Variants in DAB1 observed in about 807,000 individuals in gnomAD.
The protein encoded by DAB1 is disabled homolog 1.
DAB1 carries 15 observed loss-of-function variants against 64.6 expected under a neutral mutation model. The observed-to-expected ratio is 0.23, with a 90% CI of 0.16 to 0.36. DAB1 has a LOEUF of 0.36. Among genes scored for constraint, DAB1 ranks in the 10% least tolerant of loss-of-function variants. DAB1 has a pLI of 1.00. For missense variants in DAB1, 596 were observed against 706.7 expected (o/e 0.84, Z 1.78); for synonymous variants, 235 against 251.9 (o/e 0.93, Z 0.64).
chr1:57,497,052 A>G (rs1326672322), intron 7 of DAB1, among the ~76,000 whole-genome samples: 1 of 152,138 alleles, frequency 6.6e-6, no homozygotes, highest in East Asian at 1.9e-4. Context: ...CTCTGTTCAG[A>G]AAGTTCTTCT....
intron 2 of DAB1, among the ~76,000 whole-genome samples, chr1:58,523,530 A>G (rs561843537): frequency 6.6e-6 from 1 of 152,262 alleles, no homozygotes; most frequent in East Asian, 1.9e-4. Context: ...TTTGGGGGCA[A>G]GTAGACCATT....
chr1:57,826,865 G>A (rs1207529668), intron 1 of DAB1, among the ~76,000 whole-genome samples: 1 of 152,166 alleles, frequency 6.6e-6, no homozygotes, highest in African/African-American at 2.4e-5. Flanking sequence ...CACATAGAGA[G>A]CAAGAGACAG....
chr1:58,527,581 A>G (rs1286213905), intron 1 of DAB1, among the ~76,000 whole-genome samples: 2 of 152,190 alleles, frequency 1.3e-5, no homozygotes, highest in Non-Finnish European at 2.9e-5. Flanking sequence ...AGTCTGTAGT[A>G]TAAGGAATTT....
At chr1:57,018,309 C>T (rs111598948) in intron 11 of DAB1, among the ~76,000 whole-genome samples, 30 of 152,232 alleles carry the variant, frequency 2.0e-4, no homozygotes, top group African/African-American at 6.7e-4. Flanking sequence ...TCTGTATTAG[C>T]CTGGACTTAC....
chr1:57,331,050 C>A (rs1161370320), intron 1 of DAB1, among the ~76,000 whole-genome samples: 3 of 152,118 alleles, frequency 2.0e-5, no homozygotes, highest in Non-Finnish European at 4.4e-5. Flanking sequence ...TTTTTCTATA[C>A]CACTGCTGCC....
intron 3 of DAB1, chr1:58,473,843 T>C (rs760365423): frequency 3.0e-5 from 18 of 602,710 alleles, no homozygotes; most frequent in Non-Finnish European, 2.9e-6. Flanking sequence ...AAGACTGGTG[T>C]GTCTTCCTAG....
At chr1:57,567,689 G>A (rs889762747) in intron 7 of DAB1, among the ~76,000 whole-genome samples, 3 of 151,998 alleles carry the variant, frequency 2.0e-5, no homozygotes, top group African/African-American at 7.3e-5. Context: ...TGCTTAAAGA[G>A]AATAAAACAC....
chr1:58,274,494 C>G (rs1198217130), intron 4 of DAB1, among the ~76,000 whole-genome samples: 6 of 136,714 alleles, frequency 4.4e-5, no homozygotes, highest in East Asian at 4.5e-4. Flanking sequence ...GTGGAGCCTA[C>G]AGAGGCAGGC....
intron 4 of DAB1, among the ~76,000 whole-genome samples, chr1:57,095,161 G>A (rs903012872): frequency 6.6e-6 from 1 of 152,184 alleles, no homozygotes; most frequent in Admixed American, 6.5e-5. Flanking sequence ...CCGTAGCACA[G>A]CAAGGCCACA....
rs141664529 is a variant in DAB1, at chr1:57,574,871, G to C, written n.625+74721C>G. Among the ~76,000 whole-genome samples the C allele has an allele frequency of 3.2e-4, 48 of 152,268 alleles. 1 individual carries two copies. In the East Asian group the frequency reaches 8.7e-3, roughly 28 times the overall value. On this transcript the variant is annotated intron_variant and non_coding_transcript_variant, in intron 7 of 20. Coordinates refer to the DAB1 transcript ENST00000485760. ...TAGCTCCTGGAAACACAATCACACA[G>C]CCCTAATCTTTAGGACTGATGGGCA...
chr1:58,477,006 TA>T (rs1645425387), intron 3 of DAB1, among the ~76,000 whole-genome samples: 2 of 152,286 alleles, frequency 1.3e-5, no homozygotes, highest in South Asian at 4.2e-4. Context: ...TAAGTGGAGG[TA>T]ACAGCTCCCT....
intron 7 of DAB1, among the ~76,000 whole-genome samples, chr1:57,604,621 T>C (rs1172932026): frequency 6.6e-6 from 1 of 152,250 alleles, no homozygotes; most frequent in East Asian, 1.9e-4. Context: ...GTCACTAAGT[T>C]TTGGGGTAGC....
intron 6 of DAB1, among the ~76,000 whole-genome samples, chr1:57,747,807 CAAAA>C (rs373640023): frequency 9.0e-3 from 396 of 43,892 alleles, no homozygotes; most frequent in African/African-American, 0.025. Context: ...GGACTCTGTC[CAAAA>C]AAAAAAAAAA....
Position 57,901,347 on chromosome 1 carries a change from C to T in DAB1, n.388-17185G>A, listed in dbSNP as rs12031768. ...TGAGGAGCTGGGAAATCAATGTGTT[C>T]ATTAGCGAGCTCCCCCTCCCTGCAA... On this transcript the variant is annotated intron_variant and non_coding_transcript_variant, in intron 5 of 20. Transcript: ENST00000485760. Among the ~76,000 whole-genome samples, 9 of 152,254 alleles carry T rather than the reference C, an allele frequency of 5.9e-5. No individual in the cohort carries two copies. In the East Asian group the frequency reaches 1.7e-3, roughly 29 times the overall value.
chr1:57,546,655 T>C (rs1451682495), intron 7 of DAB1, among the ~76,000 whole-genome samples: 1 of 152,200 alleles, frequency 6.6e-6, no homozygotes, highest in Non-Finnish European at 1.5e-5. Flanking sequence ...GAGAAGACAG[T>C]CACGCACTGC....
At chr1:57,178,732 A>G (rs1662598498) in intron 2 of DAB1, among the ~76,000 whole-genome samples, 1 of 151,916 alleles carries the variant, frequency 6.6e-6, no homozygotes, top group Non-Finnish European at 1.5e-5. Flanking sequence ...ATTTATAATT[A>G]CTCCGAGGTT....
chr1:57,496,194 G>T (rs79261299), intron 7 of DAB1, among the ~76,000 whole-genome samples: 7 of 152,064 alleles, frequency 4.6e-5, no homozygotes, highest in African/African-American at 7.2e-5. Flanking sequence ...ATGCCCTTGG[G>T]ACTGGGCTTT....
At chr1:57,945,428 G>GTTATTATTATTATTATTA (rs143711609) in intron 5 of DAB1, among the ~76,000 whole-genome samples, 54 of 123,830 alleles carry the variant, frequency 4.4e-4, no homozygotes, top group East Asian at 3.2e-3. Context: ...CTTGCTAATT[G>GTTATTATTATTATTATTA]TTATTATTAT....
At chr1:57,841,312 C>CT (rs923632358) in intron 1 of DAB1, among the ~76,000 whole-genome samples, 1 of 152,214 alleles carries the variant, frequency 6.6e-6, no homozygotes, top group Non-Finnish European at 1.5e-5. Flanking sequence ...CATTGAGTGC[C>CT]TGTGGCTTTT....
Sources: allele counts gnomAD v4.1 joint callset (sites outside exome capture counted in the v4.1 genomes callset), GRCh38; gene constraint gnomAD v4.1.1; transcripts MANE v1.5; gene names NCBI Gene and HGNC (gene_info 2026-07-23, HGNC 2026-07-21).